Variants in VRK2 observed in about 807,000 individuals in gnomAD.
The protein encoded by VRK2 is serine/threonine-protein kinase VRK2.
In VRK2, 60 loss-of-function variants were observed where a neutral mutation model predicts 57.6. The ratio of observed to expected loss-of-function variants is 1.04; its 90% confidence interval spans 0.85 to 1.29. The LOEUF (loss-of-function observed/expected upper bound fraction) is 1.29. Among genes scored for constraint, VRK2 ranks in the 50% most tolerant of loss-of-function variants. The probability of loss-of-function intolerance (pLI) is 0.00; values close to 1 mark genes in which losing one functional copy is unlikely to be tolerated. For synonymous variants in VRK2, 231 were observed against 199.2 expected (o/e 1.16, Z -1.35); for missense variants, 705 against 588.1 (o/e 1.20, Z -2.06).
At chr2:57,952,141 TAGAG>T (rs1171416337) in intron 1 of VRK2, among the ~76,000 whole-genome samples, 3 of 151,964 alleles carry the variant, frequency 2.0e-5, no homozygotes, top group East Asian at 1.9e-4. Flanking sequence ...GAGATAGAGA[TAGAG>T]AGACATAATT....
At chr2:57,938,627 T>C (rs1670995177) in intron 1 of VRK2, among the ~76,000 whole-genome samples, 1 of 152,126 alleles carries the variant, frequency 6.6e-6, no homozygotes. Flanking sequence ...CTTTCATGGC[T>C]TTCATTATAC....
chr2:58,156,366 C>T (rs191369388), intron 12 of VRK2, among the ~76,000 whole-genome samples: 3 of 151,898 alleles, frequency 2.0e-5, no homozygotes, highest in East Asian at 1.9e-4. Flanking sequence ...GCTTTGGGTT[C>T]GTAGAGCTGC....
intron 1 of VRK2, among the ~76,000 whole-genome samples, chr2:57,931,655 G>A (rs1357320181): frequency 6.6e-6 from 1 of 152,028 alleles, no homozygotes; most frequent in Non-Finnish European, 1.5e-5. Context: ...TTTGTCACCT[G>A]TGGTTTTGGT....
At chr2:57,970,512 A>C (rs1443589053) in intron 1 of VRK2, among the ~76,000 whole-genome samples, 1 of 151,508 alleles carries the variant, frequency 6.6e-6, no homozygotes, top group Non-Finnish European at 1.5e-5. Flanking sequence ...AATACAAAGA[A>C]AACAAAAATC....
At chr2:58,007,204 ATCTC>A (rs1249247551) in intron 1 of VRK2, among the ~76,000 whole-genome samples, 2 of 145,792 alleles carry the variant, frequency 1.4e-5, no homozygotes, top group Non-Finnish European at 3.0e-5. Context: ...CTCATAATAA[ATCTC>A]TCTCTCTCCC....
intron 1 of VRK2, among the ~76,000 whole-genome samples, chr2:57,955,662 G>A (rs1429821452): frequency 2.6e-5 from 4 of 152,148 alleles, no homozygotes; most frequent in African/African-American, 9.7e-5. Flanking sequence ...ACACCCAGGT[G>A]ATAGGTTGAT....
intron 11 of VRK2, 28 bp downstream of exon 11, chr2:58,139,860 T>G (rs1250916359): frequency 6.4e-7 from 1 of 1,568,052 alleles, no homozygotes; most frequent in Non-Finnish European, 8.7e-7. Flanking sequence ...TGCTATCCTA[T>G]GATTACCTTC....
At chr2:58,089,783 A>G (rs1267218414) in intron 7 of VRK2, 60 bp downstream of exon 7, 1 of 1,184,724 alleles carries the variant, frequency 8.4e-7, no homozygotes, top group Non-Finnish European at 1.2e-6. Flanking sequence ...AAACATTCAG[A>G]AAACAAACTT....
rs2104492429 is a variant in VRK2, at chr2:58,123,208, C to T, written c.651C>T (p.Thr217=). The stretch of plus-strand genomic sequence containing the variant: ...GCCATAATGGGACAATAGAGTTTAC[C>T]AGCTTGGATGCCCACAAGGGAGTAG... ...RKGHNGTIEF[T]SLDAHKGVAL... The change falls in exon 8 of 13, where the codon ACC becomes ACT. Residue 217 remains threonine, a synonymous_variant. Transcript: ENST00000340157. 1 of 1,586,228 alleles carries T rather than the reference C, an allele frequency of 6.3e-7. No homozygotes were observed. The highest frequency in any genetic ancestry group is 1.2e-5 in the South Asian group (1 of 85,318).
At chr2:58,102,399 A>T (rs1353308452) in intron 7 of VRK2, among the ~76,000 whole-genome samples, 2 of 151,214 alleles carry the variant, frequency 1.3e-5, no homozygotes, top group Non-Finnish European at 1.5e-5. Context: ...AGGCCAAGGG[A>T]TTGAAAAAGA....
intron 7 of VRK2, among the ~76,000 whole-genome samples, chr2:58,099,666 T>A (rs1673676681): frequency 6.6e-6 from 1 of 152,026 alleles, no homozygotes; most frequent in Non-Finnish European, 1.5e-5. Context: ...AGGTAGAGAA[T>A]AATTCTTCAT....
At chr2:57,940,153 T>C (rs898020200) in intron 1 of VRK2, among the ~76,000 whole-genome samples, 13 of 152,168 alleles carry the variant, frequency 8.5e-5, no homozygotes, top group Non-Finnish European at 1.5e-4. Flanking sequence ...AATTGGCTCA[T>C]ATAATTATGG....
At chr2:58,137,969 C>G (rs1478002844) in intron 10 of VRK2, among the ~76,000 whole-genome samples, 3 of 152,064 alleles carry the variant, frequency 2.0e-5, no homozygotes, top group Non-Finnish European at 4.4e-5. Context: ...TTTTTATTTT[C>G]TCCCCCTCCT....
rs544825152 is a variant in VRK2 at position 58,123,084 on chromosome 2, C to T, written c.544-17C>T. On this transcript the variant is annotated splice_polypyrimidine_tract_variant and intron_variant, in intron 7 of 12. Coordinates refer to ENST00000340157, the MANE Select transcript of VRK2 (RefSeq NM_006296.7). ...GAGGACAAAGGCATTATTCATTTGT[C>T]TGTGCTTGTCTTCCAGGTTTATCTT... is the stretch of plus-strand genomic sequence containing the variant. 1.9e-6 allele frequency: 3 copies of T among 1,590,900 alleles called. No homozygotes were observed. The highest frequency in any genetic ancestry group is 1.7e-4 in the Middle Eastern group (1 of 5,972).
chr2:57,929,305 A>G (rs1007143266), intron 1 of VRK2, among the ~76,000 whole-genome samples: 1 of 151,972 alleles, frequency 6.6e-6, no homozygotes, highest in East Asian at 1.9e-4. Flanking sequence ...TCCCCTTTCC[A>G]TAAGCAAAGC....
intron 2 of VRK2, among the ~76,000 whole-genome samples, chr2:58,081,640 C>CT (rs1028508891): frequency 4.0e-5 from 6 of 151,888 alleles, no homozygotes; most frequent in African/African-American, 1.4e-4. Context: ...CACTTTCCTA[C>CT]TTTTTTGGAT....
At chr2:57,922,077 T>C (rs183248980) in intron 1 of VRK2, among the ~76,000 whole-genome samples, 6 of 152,138 alleles carry the variant, frequency 3.9e-5, no homozygotes, top group African/African-American at 1.4e-4. Context: ...TACAACCCAA[T>C]TAGCTCAAAC....
intron 1 of VRK2, among the ~76,000 whole-genome samples, chr2:57,982,809 T>A (rs546798311): frequency 2.6e-5 from 4 of 152,198 alleles, no homozygotes; most frequent in African/African-American, 9.6e-5. Context: ...ACAGTGAACA[T>A]TGGGGAATGG....
chr2:58,094,031 T>A (rs1475939168), intron 7 of VRK2, among the ~76,000 whole-genome samples: 1 of 152,222 alleles, frequency 6.6e-6, no homozygotes, highest in Non-Finnish European at 1.5e-5. Flanking sequence ...TATATCTCTG[T>A]TTTGGTACCA....
Sources: gnomAD v4.1 joint callset for allele counts (sites outside exome capture counted in the v4.1 genomes callset) on GRCh38, gnomAD v4.1.1 for gene constraint, MANE v1.5 for transcripts, NCBI Gene and HGNC (gene_info 2026-07-23, HGNC 2026-07-21) for gene names.